CD109: variants seen among roughly 807,000 people sequenced by gnomAD.
CD109 encodes CD109 molecule.
Under a neutral mutation model 165.8 loss-of-function variants are expected in CD109, and 149 were observed. The observed-to-expected ratio is 0.90, with a 90% CI of 0.79 to 1.03. The LOEUF (loss-of-function observed/expected upper bound fraction) is 1.03. CD109 is among the 50% of genes least tolerant of loss of function. The probability of loss-of-function intolerance (pLI) is 0.00; values close to 1 mark genes in which losing one functional copy is unlikely to be tolerated. For missense variants in CD109, 1,712 were observed against 1,677.8 expected, an observed-to-expected ratio of 1.02 and a Z score of -0.36; for synonymous variants, 585 against 592.1, an observed-to-expected ratio of 0.99 and a Z score of 0.18.
chr6:73,766,006 A>G lies in CD109; in HGVS notation c.1184A>G (p.Gln395Arg). The G allele has an allele frequency of 1.2e-6, 2 of 1,613,766 alleles. No individual in the cohort carries two copies. Among genetic ancestry groups the G allele is most frequent in the Non-Finnish European group, 8.5e-7 (1 of 1,179,628 alleles). Residue 395 changes from glutamine (Q) to arginine (R), a missense_variant, in exon 11 of 33, where the codon CAG (glutamine) becomes CGG (arginine). Coordinates refer to ENST00000287097, the MANE Select transcript of CD109 (RefSeq NM_133493.5). ...RRNNVVITVT[Q>R]RNYTEYWSGS... is the part of the protein sequence containing the mutation. ...AATAATGTAGTCATAACAGTGACAC[A>G]GAGAAACTATACTGAGTACTGGAGC...
At position 73,762,846 on chromosome 6, in the gene CD109, G is replaced by A; in HGVS notation, c.961G>A (p.Val321Ile). 3.7e-6 allele frequency: 6 copies of A among 1,612,320 alleles called. No homozygotes were observed. The highest frequency in any genetic ancestry group is 5.1e-6 in the Non-Finnish European group (6 of 1,179,492). ...CCTGGATCTATCTTCCCCTGGACCA[G>A]TAGAAATTTTAACCACAGTGACAGA... The part of the protein sequence containing the change: ...EYLDLSSPGP[V>I]EILTTVTESV... The change falls in exon 9 of 33, where the codon GTA becomes ATA. Residue 321 changes from valine (V) to isoleucine (I), a missense_variant. By Grantham distance (29) the Val-to-Ile change is conservative. Coordinates refer to ENST00000287097, the MANE Select transcript of CD109 (RefSeq NM_133493.5).
intron 15 of CD109, among the ~76,000 whole-genome samples, chr6:73,777,591 A>AGAG (rs1774300405): frequency 2.6e-5 from 4 of 152,144 alleles, no homozygotes; most frequent in Admixed American, 2.6e-4. Flanking sequence ...ATTTTTGTAT[A>AGAG]TGATGTAAGG....
chr6:73,688,367 T>G, the CD109 span, among the ~76,000 whole-genome samples: 3 of 152,192 alleles, frequency 2.0e-5, no homozygotes, highest in Non-Finnish European at 4.4e-5. Flanking sequence ...GTTTCTGCTC[T>G]GGTTCTTGAA....
chr6:73,787,401 A>G lies in CD109; in HGVS notation c.2505A>G (p.Thr835=), dbSNP rs1244903174. ...TGGGAGAAATTCCTATCACAGTCAC[A>G]GCTCTTTCACCCACTGCTTCTGATG... is the stretch of plus-strand genomic sequence containing the variant. ...THLGEIPITV[T]ALSPTASDAV... The change falls in exon 21 of 33, where the codon ACA becomes ACG. Residue 835 remains threonine (T), a synonymous_variant. Transcript: ENST00000287097. 8.1e-6 allele frequency: 13 copies of G among 1,614,108 alleles called. No individual in the cohort carries two copies. The highest frequency in any genetic ancestry group is 1.1e-5 in the Non-Finnish European group (13 of 1,179,960).
chr6:73,696,270 G>T lies in CD109; in HGVS notation c.55G>T (p.Ala19Ser). The T allele has an allele frequency of 1.3e-6, 2 of 1,530,208 alleles. No individual in the cohort carries two copies. Among genetic ancestry groups the T allele is most frequent in the Non-Finnish European group, 8.7e-7 (1 of 1,144,102 alleles). 94.8% of individuals were successfully genotyped at this position (1,530,208 alleles called of 1,614,324 possible). A position where few individuals can be genotyped will look rare whatever the true frequency, so the allele number is the denominator to read the frequency against. The part of the protein sequence containing the change: ...AAHLLCVCTA[A>S]LAVAPGPRFL... The stretch of plus-strand genomic sequence containing the variant: ...CCACCTCCTCTGCGTGTGCACCGCC[G>T]CGCTGGCCGTGGCTCCCGGGTAGGA... Residue 19 changes from alanine to serine, a missense_variant, in exon 1 of 33, where the codon GCG becomes TCG. Transcript: ENST00000287097.
chr6:73,787,112 T>C (rs945546279), intron 20 of CD109, 122 bp from the exon 21 acceptor site: 1 of 633,210 alleles, frequency 1.6e-6, no homozygotes, highest in East Asian at 2.7e-5. Context: ...GTCGAATCTT[T>C]GTCTCATCTT....
At chr6:73,803,809 G>C (rs1251908670) in intron 24 of CD109, among the ~76,000 whole-genome samples, 1 of 152,052 alleles carries the variant, frequency 6.6e-6, no homozygotes, top group South Asian at 2.1e-4. Flanking sequence ...CTCTCTTCTT[G>C]TACTTATCTT....
chr6:73,781,670 G>C (rs1774504716), intron 17 of CD109, among the ~76,000 whole-genome samples: 2 of 57,416 alleles, frequency 3.5e-5, no homozygotes, highest in South Asian at 7.9e-4. Flanking sequence ...ACATATTTTT[G>C]AAATATTTTT....
chr6:73,758,526 C>A (rs1306539045), intron 6 of CD109, among the ~76,000 whole-genome samples: 1 of 152,052 alleles, frequency 6.6e-6, no homozygotes, highest in Non-Finnish European at 1.5e-5. Context: ...GCTGGGATTA[C>A]AGGCATGCAC....
intron 32 of CD109, among the ~76,000 whole-genome samples, chr6:73,822,005 C>A (rs1007903680): frequency 3.3e-5 from 5 of 152,212 alleles, no homozygotes; most frequent in Non-Finnish European, 7.3e-5. Context: ...CCGAAACTTA[C>A]ACTTGATAAC....
intron 23 of CD109, among the ~76,000 whole-genome samples, chr6:73,800,071 G>C (rs1387601884): frequency 6.6e-6 from 1 of 151,976 alleles, no homozygotes; most frequent in Non-Finnish European, 1.5e-5. Flanking sequence ...GCCCAGGCTG[G>C]TCTCAAACTC....
intron 2 of CD109, among the ~76,000 whole-genome samples, chr6:73,714,985 C>A (rs1771670840): frequency 6.6e-6 from 1 of 152,120 alleles, no homozygotes; most frequent in African/African-American, 2.4e-5. Context: ...AAGGCTGGGT[C>A]CAGTGGCTCA....
rs560090182 is a variant in CD109 at position 73,828,144 on chromosome 6, A to G, written c.*4511A>G. The G allele has an allele frequency of 1.9e-5, 3 of 154,930 alleles. No homozygotes were observed. Among genetic ancestry groups the G allele is most frequent in the Admixed American group, 6.5e-5 (1 of 15,308 alleles). The allele number at this position is 154,930 out of a possible 1,614,324, so 9.6% of individuals were successfully genotyped here. ...CTCTTATTTTGGGAAGCTGTTTTGCATATGAGAAGAACACTGTTGAAATAA... is the reference window on the plus strand; with the variant it reads ...CTCTTATTTTGGGAAGCTGTTTTGCGTATGAGAAGAACACTGTTGAAATAA... On this transcript the variant is annotated 3_prime_UTR_variant, in exon 33 of 33. Transcript: ENST00000287097.
intron 22 of CD109, among the ~76,000 whole-genome samples, chr6:73,789,224 C>T (rs1204016950): frequency 6.6e-6 from 1 of 152,182 alleles, no homozygotes; most frequent in Non-Finnish European, 1.5e-5. Context: ...GTAACCTTTA[C>T]AGTAGGAAGT....
chr6:73,682,097 C>A, the CD109 span, among the ~76,000 whole-genome samples: 2 of 152,116 alleles, frequency 1.3e-5, no homozygotes. Flanking sequence ...CCTCCCAAAT[C>A]TCATTTCAAA....
At chr6:73,736,932 C>T (rs868034317) in intron 5 of CD109, among the ~76,000 whole-genome samples, 5 of 152,144 alleles carry the variant, frequency 3.3e-5, no homozygotes, top group Non-Finnish European at 4.4e-5. Flanking sequence ...ATAGCTACAC[C>T]GACTGCTATT....
At chr6:73,804,963 C>T (rs138309208) in intron 24 of CD109, among the ~76,000 whole-genome samples, 2,032 of 152,266 alleles carry the variant, frequency 0.013, 24 homozygotes, top group Middle Eastern at 0.085. Flanking sequence ...CCATCTCACA[C>T]CAGTTAGAAT....
At chr6:73,791,162 T>TACACACATACAC (rs1774931410) in intron 22 of CD109, among the ~76,000 whole-genome samples, 4 of 36,312 alleles carry the variant, frequency 1.1e-4, no homozygotes, top group African/African-American at 4.0e-4. Flanking sequence ...TATATATATA[T>TACACACATACAC]ATATATATAT....
In CD109 at chr6:73,763,660, A is replaced by G. The variant is rs753920102; in HGVS notation, c.1082A>G (p.Lys361Arg). ...TTTTTTGATTATACTACTGTCTTGA[A>G]GCCATCTCTCAACTTCACAGCCACT... ...IEFFDYTTVLKPSLNFTATVK... is the reference protein window; with the variant it reads ...IEFFDYTTVLRPSLNFTATVK... The change falls in exon 10 of 33, where the codon AAG becomes AGG. Residue 361 changes from lysine (K) to arginine (R), a missense_variant. By Grantham distance (26) the Lys-to-Arg change is conservative. Transcript: ENST00000287097. The G allele has an allele frequency of 1.5e-5, 23 of 1,585,156 alleles. No individual in the cohort carries two copies. Among genetic ancestry groups the G allele is most frequent in the Non-Finnish European group, 1.9e-5 (22 of 1,162,302 alleles).
Sources: allele counts gnomAD v4.1 joint callset (sites outside exome capture counted in the v4.1 genomes callset), GRCh38; gene constraint gnomAD v4.1.1; transcripts MANE v1.5; gene names NCBI Gene and HGNC (gene_info 2026-07-23, HGNC 2026-07-21).